GLTP: variants seen among roughly 807,000 people sequenced by gnomAD.
GLTP encodes glycolipid transfer protein.
In GLTP, 22 loss-of-function variants were observed where a neutral mutation model predicts 24.0. The ratio of observed to expected loss-of-function variants is 0.92; its 90% CI spans 0.65 to 1.31. The LOEUF (loss-of-function observed/expected upper bound fraction) is 1.31. Among genes scored for constraint, GLTP ranks in the 50% most tolerant of loss-of-function variants. The pLI, the probability that GLTP is intolerant of heterozygous loss-of-function variation, is 0.00. For synonymous variants in GLTP, 92 were observed against 115.9 expected (o/e 0.79, Z 1.33); for missense variants, 224 against 276.6 (o/e 0.81, Z 1.35).
chr12:109,852,702 G>A lies in GLTP; in HGVS notation c.483C>T (p.Phe161=). The change falls in exon 5 of 5, where the codon TTC becomes TTT. Residue 161 remains phenylalanine, a synonymous_variant. Transcript: ENST00000318348. The part of the protein sequence containing the change: ...ALYAAPYKSD[F]LKALSKGQNV... Reference sequence around the variant, plus strand: ...TCTGCCCCTTGGAGAGCGCTTTCAGGAAGTCAGACTTATAGGGTGCTGCGT... The same window carrying A: ...TCTGCCCCTTGGAGAGCGCTTTCAGAAAGTCAGACTTATAGGGTGCTGCGT... The A allele has an allele frequency of 6.2e-7, 1 of 1,613,204 alleles. No individual in the cohort carries two copies. Among genetic ancestry groups the A allele is most frequent in the Non-Finnish European group, 8.5e-7 (1 of 1,179,170 alleles).
Position 109,857,687 on chromosome 12 carries a change from T to C in GLTP, c.163-28A>G, listed in dbSNP as rs1892817660. ...GAAATGGAGCACACAAGATTTCCCC[T>C]TGGGTAAGCTGCCCCCATAGACATC... On this transcript the variant is annotated intron_variant, in intron 2 of 4. Coordinates refer to ENST00000318348, the MANE Select transcript of GLTP (RefSeq NM_016433.4). The surrounding 1 kb of genome is among the most constrained non-coding windows in gnomAD (Gnocchi z 4.3). 6.2e-7 allele frequency: 1 copy of C among 1,613,802 alleles called. No homozygotes were observed. Among genetic ancestry groups the C allele is most frequent in the African/African-American group, 1.3e-5 (1 of 74,914 alleles).
At chr12:109,867,795 T>G (rs1868577926) in intron 1 of GLTP, among the ~76,000 whole-genome samples, 1 of 127,476 alleles carries the variant, frequency 7.8e-6, no homozygotes, top group Non-Finnish European at 1.7e-5. Flanking sequence ...TTTTTTTTTT[T>G]GAGACGGAGT....
At position 109,880,369 on chromosome 12, in the gene GLTP, C is replaced by T; in HGVS notation, c.6G>A (p.Ala2=). 1 of 1,585,786 alleles carries T rather than the reference C, an allele frequency of 6.3e-7. No individual in the cohort carries two copies. Among genetic ancestry groups the T allele is most frequent in the Non-Finnish European group, 8.6e-7 (1 of 1,168,432 alleles). The change falls in exon 1 of 5, where the codon GCG becomes GCA. Residue 2 remains alanine, a synonymous_variant. Transcript: ENST00000318348. This position sits in a 1 kb window ranked among gnomAD's most constrained non-coding sequence, Gnocchi z 5.1. The part of the protein sequence containing the change: M[A]LLAEHLLKPL... ...GCTTCAGCAAGTGTTCGGCCAGCAG[C>T]GCCATTTCGGGGTCGAGGCCCGCGG...
intron 1 of GLTP, among the ~76,000 whole-genome samples, chr12:109,878,418 C>T (rs2136051281): frequency 6.6e-6 from 1 of 152,276 alleles, no homozygotes; most frequent in South Asian, 2.1e-4. Flanking sequence ...ACTCACAAGA[C>T]ACCCCGTGCC....
At chr12:109,872,449 G>A (rs1265248586) in intron 1 of GLTP, among the ~76,000 whole-genome samples, 2 of 152,150 alleles carry the variant, frequency 1.3e-5, no homozygotes, top group Admixed American at 6.6e-5. Context: ...GGATGTCAGA[G>A]GAAGAGAATC....
At position 109,880,190 on chromosome 12, in the gene GLTP, G is replaced by T. The variant is rs1869027124; in HGVS notation, c.103+82C>A. The T allele has an allele frequency of 2.0e-5, 16 of 800,990 alleles. No individual in the cohort carries two copies. The South Asian group carries it at 2.3e-4, about 12-fold the overall frequency. The allele number at this position is 800,990 out of a possible 1,614,324, so 49.6% of individuals were successfully genotyped here. Reference sequence around the variant, plus strand: ...AGTACTTAGGGGTGTCTAGGGCAGAGATGGTTAGGGGATGCTCGGGGGAAG... The same window carrying T: ...AGTACTTAGGGGTGTCTAGGGCAGATATGGTTAGGGGATGCTCGGGGGAAG... On this transcript the variant is annotated intron_variant, in intron 1 of 4. Coordinates refer to ENST00000318348, the MANE Select transcript of GLTP (RefSeq NM_016433.4). This position sits in a 1 kb window ranked among gnomAD's most constrained non-coding sequence, Gnocchi z 5.1.
At chr12:109,873,851 T>C (rs1868805153) in intron 1 of GLTP, among the ~76,000 whole-genome samples, 2 of 151,878 alleles carry the variant, frequency 1.3e-5, no homozygotes, top group South Asian at 4.1e-4. Context: ...ACCAGCCAAC[T>C]TGTTTGGGGC....
intron 3 of GLTP, among the ~76,000 whole-genome samples, chr12:109,856,613 G>C (rs1355490010): frequency 6.6e-6 from 1 of 152,156 alleles, no homozygotes; most frequent in Admixed American, 6.5e-5. Flanking sequence ...CAGATGAGCT[G>C]CTCTGCTCCC....
At chr12:109,872,899 G>T (rs1334213237) in intron 1 of GLTP, among the ~76,000 whole-genome samples, 1 of 152,150 alleles carries the variant, frequency 6.6e-6, no homozygotes, top group Non-Finnish European at 1.5e-5. Context: ...TCTTTCTTGG[G>T]ATATTCTTCA....
chr12:109,852,516 G>A lies in GLTP; in HGVS notation c.*39C>T. The A allele has an allele frequency of 7.4e-7, 1 of 1,359,590 alleles. No homozygotes were observed. The highest frequency in any genetic ancestry group is 1.0e-6 in the Non-Finnish European group (1 of 961,778). 84.2% of individuals were successfully genotyped at this position (1,359,590 alleles called of 1,614,324 possible). ...GATTCTGGTTTGCCTGTTTCTCCAT[G>A]TGGCCACGAGTCGGGGACGTGTCCA... On this transcript the variant is annotated 3_prime_UTR_variant, in exon 5 of 5. Transcript: ENST00000318348.
chr12:109,859,050 GT>G (rs1892839361), intron 1 of GLTP, among the ~76,000 whole-genome samples: 1 of 152,176 alleles, frequency 6.6e-6, no homozygotes, highest in South Asian at 2.1e-4. Flanking sequence ...AATGGTATTT[GT>G]TTGTTCTTTG....
intron 1 of GLTP, among the ~76,000 whole-genome samples, chr12:109,860,571 G>C (rs1233531132): frequency 6.8e-6 from 1 of 146,186 alleles, no homozygotes. Flanking sequence ...TTCAACTCCT[G>C]GACTCAAGCG....
intron 1 of GLTP, among the ~76,000 whole-genome samples, chr12:109,861,189 C>T (rs1237988569): frequency 6.6e-6 from 1 of 152,166 alleles, no homozygotes; most frequent in Non-Finnish European, 1.5e-5. Flanking sequence ...CCCAGGGTGA[C>T]CCTGCACACC....
In GLTP at chr12:109,869,303, C is replaced by CAAAA. The variant is rs140914540; in HGVS notation, c.104-10566_104-10563dup. ...TGGGCGACAGAGTAAGGCTCTACCT[C>CAAAA]AAAAAAAAAAAAAAAAAGAAAGAAA... On this transcript the variant is annotated intron_variant, in intron 1 of 4. Transcript: ENST00000318348. 5.8e-3 allele frequency among the ~76,000 whole-genome samples: 285 copies of CAAAA among 48,802 alleles called. 8 individuals are homozygous for CAAAA. Among genetic ancestry groups the CAAAA allele is most frequent in the African/African-American group, 0.02 (214 of 10,646 alleles). 32.0% of individuals were successfully genotyped at this position (48,802 alleles called of 152,430 possible). A position where few individuals can be genotyped will look rare whatever the true frequency, so the allele number is the denominator to read the frequency against.
chr12:109,872,881 G>A (rs543851620), intron 1 of GLTP, among the ~76,000 whole-genome samples: 2 of 152,194 alleles, frequency 1.3e-5, no homozygotes, highest in Non-Finnish European at 2.9e-5. Context: ...GGTTAATACA[G>A]TTTCTTGTCT....
At chr12:109,870,039 C>T (rs116740354) in intron 1 of GLTP, among the ~76,000 whole-genome samples, 182 of 152,234 alleles carry the variant, frequency 1.2e-3, no homozygotes, top group African/African-American at 4.0e-3. Context: ...CCACCGCACT[C>T]GGCAAGTTTC....
chr12:109,879,154 C>T lies in GLTP; in HGVS notation c.103+1118G>A, dbSNP rs936394677. 2.0e-5 allele frequency among the ~76,000 whole-genome samples: 3 copies of T among 152,178 alleles called. No individual in the cohort carries two copies. The East Asian group carries it at 5.8e-4, about 29-fold the overall frequency. ...GCTCAGGACACTGTGGGAACTACCA[C>T]CCCTAACAAGCCTTCTTTGCCCACT... On this transcript the variant is annotated intron_variant, in intron 1 of 4. Transcript: ENST00000318348.
Position 109,851,850 on chromosome 12 carries a change from CTT to C in GLTP, c.*703_*704del, listed in dbSNP as rs34365376. 8.2e-4 allele frequency: 111 copies of C among 134,852 alleles called. No individual in the cohort carries two copies. The highest frequency in any genetic ancestry group is 8.2e-4 in the African/African-American group (29 of 35,492). The allele number at this position is 134,852 out of a possible 1,614,324, so 8.4% of individuals were successfully genotyped here. ...CTGACCTCAAGTAATCCACCCACCT[CTT>C]TTTTTTTTTTTTGAGACAGAGTTTC... On this transcript the variant is annotated 3_prime_UTR_variant, in exon 5 of 5. Transcript: ENST00000318348.
rs1892807835 is a variant in GLTP at position 109,857,153 on chromosome 12, G to A, written c.296+373C>T. 6.6e-6 allele frequency among the ~76,000 whole-genome samples: 1 copy of A among 152,158 alleles called. No homozygotes were observed. The highest frequency in any genetic ancestry group is 6.5e-5 in the Admixed American group (1 of 15,268). On this transcript the variant is annotated intron_variant, in intron 3 of 4. Coordinates refer to ENST00000318348, the MANE Select transcript of GLTP (RefSeq NM_016433.4). The surrounding 1 kb of genome is among the most constrained non-coding windows in gnomAD (Gnocchi z 4.3). Reference sequence around the variant, plus strand: ...TAAACAGGACACCTTTGTGCAGTACGCAACCTGCATAACTGTGCTGGATGA... The same window carrying A: ...TAAACAGGACACCTTTGTGCAGTACACAACCTGCATAACTGTGCTGGATGA...
Sources: gnomAD v4.1 joint callset for allele counts (sites outside exome capture counted in the v4.1 genomes callset) on GRCh38, gnomAD v4.1.1 for gene constraint, Gnocchi (gnomAD v3.1) non-coding constraint, MANE v1.5 for transcripts, NCBI Gene and HGNC (gene_info 2026-07-23, HGNC 2026-07-21) for gene names.